The following FLI1 variants were observed in gnomAD, a reference collection of about 807,000 sequenced individuals.
The protein encoded by FLI1 is Fli-1 proto-oncogene, ETS transcription factor.
In FLI1, 13 loss-of-function variants were observed where a neutral mutation model predicts 53.1. The observed-to-expected ratio is 0.24, with a 90% CI of 0.16 to 0.39. The LOEUF is 0.39. Among genes scored for constraint, FLI1 ranks in the 10% least tolerant of loss-of-function variants. The pLI, the probability that FLI1 is intolerant of heterozygous loss-of-function variation, is 1.00. For missense variants in FLI1, 424 were observed against 600.5 expected, an observed-to-expected ratio of 0.71 and a Z score of 3.07; for synonymous variants, 244 against 236.7, an observed-to-expected ratio of 1.03 and a Z score of -0.28.
At chr11:128,696,517 A>G (rs1271735049) in intron 1 of FLI1, among the ~76,000 whole-genome samples, 1 of 152,200 alleles carries the variant, frequency 6.6e-6, no homozygotes, top group African/African-American at 2.4e-5. Context: ...TTTGAGATTC[A>G]TAGTCATCAC....
intron 1 of FLI1, chr11:128,748,341 C>A: frequency 1.2e-6 from 1 of 835,768 alleles, no homozygotes; most frequent in Non-Finnish European, 1.4e-6. Context: ...TTCAACAAGA[C>A]TCCTTGAAAA....
intron 5 of FLI1, among the ~76,000 whole-genome samples, chr11:128,790,159 C>T (rs961059718): frequency 2.6e-5 from 4 of 151,798 alleles, no homozygotes; most frequent in Non-Finnish European, 4.4e-5. Context: ...CAGTAGCTTG[C>T]TCTCTCTATT....
intron 4 of FLI1, among the ~76,000 whole-genome samples, chr11:128,774,792 T>G (rs1941682835): frequency 6.6e-6 from 1 of 152,150 alleles, no homozygotes; most frequent in Non-Finnish European, 1.5e-5. Flanking sequence ...AACCAGTCCA[T>G]AAACAGCCCA....
At chr11:128,698,733 T>TGTGTGTGTGAGAGAGA (rs766077047) in intron 1 of FLI1, among the ~76,000 whole-genome samples, 17 of 133,818 alleles carry the variant, frequency 1.3e-4, no homozygotes, top group Admixed American at 3.7e-4. Context: ...TGTGTGTGTG[T>TGTGTGTGTGAGAGAGA]GAGAGAGAGA....
At chr11:128,786,057 C>A (rs1466309381) in intron 5 of FLI1, among the ~76,000 whole-genome samples, 1 of 152,086 alleles carries the variant, frequency 6.6e-6, no homozygotes, top group Non-Finnish European at 1.5e-5. Context: ...AATACTGATG[C>A]CCAAGTGCCA....
intron 5 of FLI1, among the ~76,000 whole-genome samples, chr11:128,790,096 G>GTGTGTGCA (rs1565501698): frequency 4.6e-5 from 7 of 151,184 alleles, no homozygotes; most frequent in Non-Finnish European, 1.0e-4. Flanking sequence ...GTGTGTGTGT[G>GTGTGTGCA]CACGCGTGCT....
chr11:128,724,099 C>T (rs775743431), intron 1 of FLI1, among the ~76,000 whole-genome samples: 11 of 152,060 alleles, frequency 7.2e-5, no homozygotes, highest in Non-Finnish European at 1.6e-4. Flanking sequence ...CCCACCACCA[C>T]TCCAGGCTAA....
rs544201213 is a variant in FLI1, at chr11:128,699,364, GT to G, written c.18+5095del. 3.9e-5 allele frequency among the ~76,000 whole-genome samples: 6 copies of G among 152,136 alleles called. No individual in the cohort carries two copies. The East Asian group carries it at 9.6e-4, about 24-fold the overall frequency. Reference sequence around the variant, plus strand: ...AGTTGGGAAAATTTTTATATTGATAGTTTTTTTGTTCTGTACTTAAAACATT... The same window carrying G: ...AGTTGGGAAAATTTTTATATTGATAGTTTTTTGTTCTGTACTTAAAACATT... On this transcript the variant is annotated intron_variant, in intron 1 of 8. Coordinates refer to ENST00000527786, the MANE Select transcript of FLI1 (RefSeq NM_002017.5).
At chr11:128,749,554 G>A (rs774841017) in intron 1 of FLI1, among the ~76,000 whole-genome samples, 13 of 152,160 alleles carry the variant, frequency 8.5e-5, no homozygotes, top group African/African-American at 1.9e-4. Flanking sequence ...ACCTTGTCCC[G>A]GAAGTCACGC....
At chr11:128,793,467 A>G (rs1446116573) in intron 5 of FLI1, among the ~76,000 whole-genome samples, 4 of 152,040 alleles carry the variant, frequency 2.6e-5, no homozygotes, top group African/African-American at 9.7e-5. Flanking sequence ...TTGCTCTGGA[A>G]TGCCCCACCC....
At chr11:128,806,906 A>G in intron 6 of FLI1, 1 of 323,446 alleles carries the variant, frequency 3.1e-6, no homozygotes, top group Non-Finnish European at 5.6e-6. Flanking sequence ...TTAAGCAAAG[A>G]CAAAATTTTA....
chr11:128,696,474 C>G (rs928033282), intron 1 of FLI1, among the ~76,000 whole-genome samples: 7 of 152,172 alleles, frequency 4.6e-5, no homozygotes, highest in Non-Finnish European at 1.5e-5. Context: ...TTCTTCTGCT[C>G]TCTTGGTGAG....
chr11:128,804,260 C>T (rs1942714813), intron 5 of FLI1: 1 of 152,178 alleles, frequency 6.6e-6, no homozygotes, highest in African/African-American at 2.4e-5. Context: ...TGTGTTTCAC[C>T]CCGTCAGACT....
intron 5 of FLI1, among the ~76,000 whole-genome samples, chr11:128,799,966 G>A (rs572727349): frequency 1.1e-4 from 17 of 152,254 alleles, no homozygotes; most frequent in African/African-American, 3.6e-4. Context: ...ATAACCTGTC[G>A]GACAGCCCAA....
chr11:128,805,340 TA>T, intron 5 of FLI1, 25 bp from the exon 6 acceptor site: 1 of 1,431,958 alleles, frequency 7.0e-7, no homozygotes, highest in Non-Finnish European at 9.7e-7. Flanking sequence ...GATGCTAATG[TA>T]CCCCTATTTG....
At chr11:128,689,455 T>C (rs1184180559), upstream of FLI1, among the ~76,000 whole-genome samples, 2 of 152,152 alleles carry the variant, frequency 1.3e-5, no homozygotes, top group African/African-American at 4.8e-5. Context: ...AGCCTGAGGA[T>C]TGGGCCCAGG....
At chr11:128,729,407 C>A (rs1939606863) in intron 1 of FLI1, among the ~76,000 whole-genome samples, 1 of 152,238 alleles carries the variant, frequency 6.6e-6, no homozygotes, top group Admixed American at 6.5e-5. Flanking sequence ...TAATCTCAGG[C>A]ACACACAGCC....
At chr11:128,745,837 T>C (rs1018136487) in intron 1 of FLI1, among the ~76,000 whole-genome samples, 2 of 152,042 alleles carry the variant, frequency 1.3e-5, no homozygotes, top group Admixed American at 1.3e-4. Flanking sequence ...TGGAAGGGAG[T>C]GAAGCCCCCC....
At chr11:128,793,930 G>T (rs56259986) in intron 5 of FLI1, among the ~76,000 whole-genome samples, 15,307 of 152,126 alleles carry the variant, frequency 0.1, 926 homozygotes, top group East Asian at 0.27. Context: ...CTCCCGCACT[G>T]CCAAGGAGGG....
Sources: gnomAD v4.1 joint callset for allele counts (sites outside exome capture counted in the v4.1 genomes callset) on GRCh38, gnomAD v4.1.1 for gene constraint, MANE v1.5 for transcripts, NCBI Gene and HGNC (gene_info 2026-07-23, HGNC 2026-07-21) for gene names.